Variants in RAB11FIP4 observed in about 807,000 individuals in gnomAD.
RAB11FIP4 encodes the protein RAB11 family interacting protein 4.
In RAB11FIP4, 23 loss-of-function variants were observed where a neutral mutation model predicts 74.3. That is an observed-to-expected ratio of 0.31 (90% CI 0.22 to 0.44). The LOEUF is 0.44. RAB11FIP4 is among the 20% of genes least tolerant of loss of function. RAB11FIP4 has a pLI of 1.00. For missense variants in RAB11FIP4, 630 were observed against 863.9 expected, an observed-to-expected ratio of 0.73 and a Z score of 3.39; for synonymous variants, 360 against 359.9, an observed-to-expected ratio of 1.00 and a Z score of 0.00.
In RAB11FIP4 at chr17:31,531,748, G is replaced by C; in HGVS notation, c.*16G>C. 6.4e-7 allele frequency: 1 copy of C among 1,568,170 alleles called. No individual in the cohort carries two copies. Among genetic ancestry groups the C allele is most frequent in the Non-Finnish European group, 8.8e-7 (1 of 1,138,124 alleles). On this transcript the variant is annotated 3_prime_UTR_variant, in exon 15 of 15. Coordinates refer to ENST00000621161, the MANE Select transcript of RAB11FIP4 (RefSeq NM_032932.6). ...CAAACACTAAGGCACGGGGCTGGCT[G>C]CAGAGCAGCCTTAGGACCCTGGGAC... is the stretch of plus-strand genomic sequence containing the variant.
Position 31,442,565 on chromosome 17 carries a change from C to G in RAB11FIP4, c.336+8443C>G, listed in dbSNP as rs571172996. Among the ~76,000 whole-genome samples, 7 of 152,290 alleles carry G rather than the reference C, an allele frequency of 4.6e-5. No homozygotes were observed. The South Asian group carries it at 1.4e-3, about 32-fold the overall frequency. ...CAGAGCTGAAAAGCTGCCACAGAGG[C>G]CAAATGGACTGCAAAGCTTAGAATA... On this transcript the variant is annotated intron_variant, in intron 3 of 14. Transcript: ENST00000621161.
chr17:31,441,763 G>A (rs931362002), intron 3 of RAB11FIP4, among the ~76,000 whole-genome samples: 1 of 151,968 alleles, frequency 6.6e-6, no homozygotes, highest in East Asian at 1.9e-4. Flanking sequence ...CCTGACCTCA[G>A]GTGATCTGCC....
At chr17:31,427,401 A>G (rs1201174931) in intron 1 of RAB11FIP4, among the ~76,000 whole-genome samples, 1 of 152,164 alleles carries the variant, frequency 6.6e-6, no homozygotes, top group African/African-American at 2.4e-5. Flanking sequence ...GGGACCATGC[A>G]GTGGCCCTCA....
At position 31,472,281 on chromosome 17, in the gene RAB11FIP4, C is replaced by T. The variant is rs996291162; in HGVS notation, c.336+38159C>T. 5.3e-5 allele frequency among the ~76,000 whole-genome samples: 8 copies of T among 152,296 alleles called. No individual in the cohort carries two copies. The South Asian group carries it at 1.2e-3, about 24-fold the overall frequency. On this transcript the variant is annotated intron_variant, in intron 3 of 14. Transcript: ENST00000621161. ...CATAAAGAACCACTGTGCAGTGCCG[C>T]GTGATGAGTGCTCCCCCCATACCCA...
intron 1 of RAB11FIP4, among the ~76,000 whole-genome samples, chr17:31,413,987 C>T (rs2071124134): frequency 6.6e-6 from 1 of 152,236 alleles, no homozygotes. Flanking sequence ...TCCTGACCAG[C>T]GTCCAGGCAT....
chr17:31,421,949 G>A (rs1378033924), intron 1 of RAB11FIP4, among the ~76,000 whole-genome samples: 1 of 152,092 alleles, frequency 6.6e-6, no homozygotes, highest in Non-Finnish European at 1.5e-5. Context: ...GGAGGCTAAG[G>A]CAGGAGGATC....
chr17:31,436,656 C>G (rs757575462), intron 3 of RAB11FIP4, among the ~76,000 whole-genome samples: 12 of 152,168 alleles, frequency 7.9e-5, no homozygotes, highest in Non-Finnish European at 1.6e-4. Context: ...GAAAGAAAGA[C>G]CGCGTCAGCC....
intron 3 of RAB11FIP4, among the ~76,000 whole-genome samples, chr17:31,475,627 G>A (rs1162214113): frequency 6.6e-6 from 1 of 152,084 alleles, no homozygotes; most frequent in African/African-American, 2.4e-5. Context: ...CAGAGCCTTT[G>A]TGATCATTTG....
intron 3 of RAB11FIP4, chr17:31,488,059 G>C (rs1015889006): frequency 8.9e-6 from 9 of 1,015,488 alleles, no homozygotes; most frequent in Non-Finnish European, 1.1e-5. Context: ...AGAGCCCTTC[G>C]GCCCACGCGG....
At chr17:31,441,326 G>A (rs1048616531) in intron 3 of RAB11FIP4, among the ~76,000 whole-genome samples, 3 of 151,424 alleles carry the variant, frequency 2.0e-5, no homozygotes, top group African/African-American at 7.3e-5. Context: ...GCATCTGGCC[G>A]GAAAGTTTTA....
At chr17:31,491,747 A>C (rs2072013057) in intron 3 of RAB11FIP4, among the ~76,000 whole-genome samples, 1 of 152,208 alleles carries the variant, frequency 6.6e-6, no homozygotes, top group East Asian at 1.9e-4. Context: ...CTGACAGTAC[A>C]AGTGAGACTA....
intron 1 of RAB11FIP4, among the ~76,000 whole-genome samples, chr17:31,404,360 C>T (rs1039523148): frequency 6.6e-6 from 1 of 152,256 alleles, no homozygotes; most frequent in African/African-American, 2.4e-5. Context: ...GCCAGGCCAT[C>T]TCTCAGGTTC....
At chr17:31,461,217 T>C (rs553222451) in intron 3 of RAB11FIP4, among the ~76,000 whole-genome samples, 7 of 152,234 alleles carry the variant, frequency 4.6e-5, no homozygotes, top group African/African-American at 1.7e-4. Flanking sequence ...GGTGTGCAGA[T>C]GAGGCAGAAA....
At chr17:31,438,200 G>C (rs1044348635) in intron 3 of RAB11FIP4, among the ~76,000 whole-genome samples, 5 of 152,072 alleles carry the variant, frequency 3.3e-5, no homozygotes, top group African/African-American at 1.2e-4. Context: ...GGGCCCCCGT[G>C]GGGAGGGGGC....
chr17:31,524,972 G>C (rs866704459), intron 9 of RAB11FIP4, 118 bp from the exon 10 acceptor site: 4 of 1,213,140 alleles, frequency 3.3e-6, no homozygotes, highest in Middle Eastern at 2.7e-4. Flanking sequence ...TGGCCCACAC[G>C]CCCTCAGTGG....
intron 1 of RAB11FIP4, among the ~76,000 whole-genome samples, chr17:31,412,425 C>G (rs1174793647): frequency 6.6e-6 from 1 of 152,204 alleles, no homozygotes; most frequent in African/African-American, 2.4e-5. Flanking sequence ...AATGCTGACT[C>G]CAGCCTAACC....
intron 1 of RAB11FIP4, 73 bp downstream of exon 1, chr17:31,392,084 G>A (rs1193534106): frequency 8.5e-6 from 7 of 824,068 alleles, no homozygotes; most frequent in Admixed American, 3.1e-4. Flanking sequence ...CAGCTCCCCC[G>A]CCGGGTCACC....
At chr17:31,466,968 A>G (rs1017128208) in intron 3 of RAB11FIP4, among the ~76,000 whole-genome samples, 1 of 152,188 alleles carries the variant, frequency 6.6e-6, no homozygotes, top group Non-Finnish European at 1.5e-5. Context: ...GTTTAAAGGA[A>G]TGTTCTCAAA....
chr17:31,537,054 C>T lies in RAB11FIP4; in HGVS notation c.*5322C>T, dbSNP rs2072977151. The T allele has an allele frequency of 2.5e-6, 1 of 399,362 alleles. No individual in the cohort carries two copies. The highest frequency in any genetic ancestry group is 4.4e-6 in the Non-Finnish European group (1 of 226,244). The allele number at this position is 399,362 out of a possible 1,614,324, so 24.7% of individuals were successfully genotyped here. A position where few individuals can be genotyped will look rare whatever the true frequency, so the allele number is the denominator to read the frequency against. Reference sequence around the variant, plus strand: ...CAAGTGCTGTTGTCCCCAGGGTGACCCTGCCTCCTGCTGGGGCCCATCCGC... The same window carrying T: ...CAAGTGCTGTTGTCCCCAGGGTGACTCTGCCTCCTGCTGGGGCCCATCCGC... On this transcript the variant is annotated 3_prime_UTR_variant, in exon 15 of 15. Transcript: ENST00000621161.
Sources: gnomAD v4.1 joint callset for allele counts (sites outside exome capture counted in the v4.1 genomes callset) on GRCh38, gnomAD v4.1.1 for gene constraint, MANE v1.5 for transcripts, NCBI Gene and HGNC (gene_info 2026-07-23, HGNC 2026-07-21) for gene names.